BAHCC1: variants seen among roughly 807,000 people sequenced by gnomAD.
BAHCC1 encodes the protein BAH domain and coiled-coil containing 1, also known as BAH and coiled-coil domain-containing protein 1.
Under a neutral mutation model 88.2 loss-of-function variants are expected in BAHCC1, and 43 were observed. That is an observed-to-expected ratio of 0.49 (90% CI 0.38 to 0.63). The LOEUF is 0.63. BAHCC1 is among the 20% of genes least tolerant of loss of function. BAHCC1 has a pLI of 0.00. For synonymous variants in BAHCC1, 1,510 were observed against 745.5 expected, an observed-to-expected ratio of 2.03 and a Z score of -16.71; for missense variants, 3,023 against 1,654.8, an observed-to-expected ratio of 1.83 and a Z score of -14.34.
At chr17:81,432,246 G>A (rs2064268848) in intron 3 of BAHCC1, among the ~76,000 whole-genome samples, 1 of 152,112 alleles carries the variant, frequency 6.6e-6, no homozygotes, top group Admixed American at 6.5e-5. Flanking sequence ...TCTGACCGAT[G>A]GTGCAGCCGC....
At chr17:81,395,718 T>C (rs1466080206) in intron 1 of BAHCC1, 83 bp downstream of exon 1, 1 of 152,118 alleles carries the variant, frequency 6.6e-6, no homozygotes, top group Admixed American at 6.5e-5. Flanking sequence ...CTTTGGGGTT[T>C]TACATTTTTT....
intron 2 of BAHCC1, among the ~76,000 whole-genome samples, chr17:81,425,251 GTGA>G (rs1555650212): frequency 0.023 from 922 of 40,430 alleles, no homozygotes; most frequent in Middle Eastern, 0.06. Flanking sequence ...GGTGATAGTG[GTGA>G]TGATGTGGTT....
At chr17:81,419,896 C>T (rs1251885519) in intron 2 of BAHCC1, among the ~76,000 whole-genome samples, 2 of 151,880 alleles carry the variant, frequency 1.3e-5, no homozygotes, top group Non-Finnish European at 2.9e-5. Flanking sequence ...CTGCCGGCTC[C>T]GCGCCCGCCT....
chr17:81,418,142 AGGTGTGGAG>A (rs1246118788), intron 2 of BAHCC1, among the ~76,000 whole-genome samples: 2 of 152,218 alleles, frequency 1.3e-5, no homozygotes, highest in African/African-American at 4.8e-5. Context: ...CGTGTCCACC[AGGTGTGGAG>A]GGAGCAGTGC....
In BAHCC1 at chr17:81,423,460, C is replaced by T. The variant is rs1317884928; in HGVS notation, c.179-3340C>T. 9.2e-5 allele frequency among the ~76,000 whole-genome samples: 14 copies of T among 152,342 alleles called. 1 individual carries two copies. The highest frequency in any genetic ancestry group is 6.8e-3 in the Middle Eastern group (2 of 294). On this transcript the variant is annotated intron_variant, in intron 2 of 27. Transcript: ENST00000675386. Reference sequence around the variant, plus strand: ...AAATTCACAAATTCCCCCTGCCTCCCGGGCAGGGGAATGGCTGTCCTGACT... The same window carrying T: ...AAATTCACAAATTCCCCCTGCCTCCTGGGCAGGGGAATGGCTGTCCTGACT...
rs376233743 is a variant in BAHCC1 at position 81,458,316 on chromosome 17, C to G, written c.5193C>G (p.Ser1731Arg). 9.5e-5 allele frequency: 71 copies of G among 748,572 alleles called. No individual in the cohort carries two copies. The highest frequency in any genetic ancestry group is 1.5e-4 in the Non-Finnish European group (61 of 403,674). 46.4% of individuals were successfully genotyped at this position (748,572 alleles called of 1,614,324 possible). ...KKKAKGKAKG[S>R]LRAEPGATPS... ...AAGCCAAGGGCAAGGCCAAGGGCAGCCTGCGGGCAGAGCCGGGGGCCACCC... is the reference window on the plus strand; with the variant it reads ...AAGCCAAGGGCAAGGCCAAGGGCAGGCTGCGGGCAGAGCCGGGGGCCACCC... Residue 1731 changes from serine (S) to arginine (R), a missense_variant, in exon 18 of 28, where the codon AGC (serine) becomes AGG (arginine). Transcript: ENST00000675386.
In BAHCC1 at chr17:81,399,689, C is replaced by G; in HGVS notation, c.-51C>G. The G allele has an allele frequency of 1.0e-6, 1 of 995,974 alleles. No homozygotes were observed. The highest frequency in any genetic ancestry group is 1.2e-6 in the Non-Finnish European group (1 of 838,948). 61.7% of individuals were successfully genotyped at this position (995,974 alleles called of 1,614,324 possible). On this transcript the variant is annotated 5_prime_UTR_variant, in exon 2 of 28. Transcript: ENST00000675386. This position sits in a 1 kb window ranked among gnomAD's most constrained non-coding sequence, Gnocchi z 4.5. Reference sequence around the variant, plus strand: ...CCGCGCGCCGAGCCGCCCCCGGGCCCCGGCCGCGCTGCTCCGAGGAAGCGG... The same window carrying G: ...CCGCGCGCCGAGCCGCCCCCGGGCCGCGGCCGCGCTGCTCCGAGGAAGCGG...
At chr17:81,407,162 A>G (rs2143229893) in intron 2 of BAHCC1, among the ~76,000 whole-genome samples, 1 of 152,316 alleles carries the variant, frequency 6.6e-6, no homozygotes, top group South Asian at 2.1e-4. Context: ...CCCTTGCCCC[A>G]GCTCAGTGCA....
rs2030702388 is a variant in BAHCC1 at position 81,466,209 on chromosome 17, A to G, written c.*2392A>G. The G allele has an allele frequency of 1.3e-5, 2 of 152,522 alleles. No homozygotes were observed. Among genetic ancestry groups the G allele is most frequent in the African/African-American group, 4.8e-5 (2 of 41,436 alleles). 9.4% of individuals were successfully genotyped at this position (152,522 alleles called of 1,614,324 possible). On this transcript the variant is annotated 3_prime_UTR_variant, in exon 28 of 28. Transcript: ENST00000675386. ...TTTTTTTTCAATGTAAACACTAAAA[A>G]CAAAATGGACAAAAAAACACACAAA...
chr17:81,432,605 TCCGTCCCCAG>T (rs2064276349), intron 3 of BAHCC1, among the ~76,000 whole-genome samples: 3 of 99,740 alleles, frequency 3.0e-5, no homozygotes, highest in Non-Finnish European at 6.0e-5. Flanking sequence ...GGACCCAACC[TCCGTCCCCAG>T]CCCTGGACCC....
At chr17:81,397,411 A>AC (rs2063757213) in intron 1 of BAHCC1, among the ~76,000 whole-genome samples, 1 of 134,014 alleles carries the variant, frequency 7.5e-6, no homozygotes. Context: ...AAAAAAAAAA[A>AC]ACAACCACAA....
intron 2 of BAHCC1, chr17:81,401,228 A>G (rs530198761): frequency 6.6e-6 from 1 of 152,656 alleles, no homozygotes; most frequent in Non-Finnish European, 1.5e-5. Flanking sequence ...TTAATTGCTA[A>G]CGGGCTTCCA....
intron 5 of BAHCC1, 111 bp from the exon 6 acceptor site, chr17:81,443,698 C>T: frequency 3.1e-6 from 2 of 651,658 alleles, no homozygotes; most frequent in Middle Eastern, 2.8e-4. Context: ...ACCAGGGGAT[C>T]CTCCTCAGTG....
Position 81,421,589 on chromosome 17 carries a change from T to G in BAHCC1, c.179-5211T>G, listed in dbSNP as rs568591085. 3.9e-5 allele frequency among the ~76,000 whole-genome samples: 6 copies of G among 152,250 alleles called. No homozygotes were observed. The South Asian group carries it at 1.0e-3, about 26-fold the overall frequency. Reference sequence around the variant, plus strand: ...GGCCTGCAGAATCTGCTTCCAAGTTTCAAGCCAAGGCCAGGACAGTGGGGG... The same window carrying G: ...GGCCTGCAGAATCTGCTTCCAAGTTGCAAGCCAAGGCCAGGACAGTGGGGG... On this transcript the variant is annotated intron_variant, in intron 2 of 27. Coordinates refer to ENST00000675386, the MANE Select transcript of BAHCC1 (RefSeq NM_001377448.1).
Position 81,443,122 on chromosome 17 carries a change from C to T in BAHCC1, c.1773C>T (p.Gly591=), listed in dbSNP as rs374395535. The T allele has an allele frequency of 1.4e-4, 111 of 777,934 alleles. No individual in the cohort carries two copies. The East Asian group carries it at 1.9e-3, about 13-fold the overall frequency. The allele number at this position is 777,934 out of a possible 1,614,324, so 48.2% of individuals were successfully genotyped here. The change falls in exon 5 of 28, where the codon GGC becomes GGT. Residue 591 remains glycine, a synonymous_variant. Transcript: ENST00000675386. ...CATGGGGTGTCCAGGCAGGCCAGGG[C>T]ACCGCCATGGCCATCAGCGAGGAGC... The part of the protein sequence containing the change: ...LPPWGVQAGQ[G]TAMAISEERK...
chr17:81,427,353 G>A (rs1279148953), intron 3 of BAHCC1, among the ~76,000 whole-genome samples: 2 of 152,134 alleles, frequency 1.3e-5, no homozygotes, highest in Non-Finnish European at 2.9e-5. Context: ...TAGGAGGCGG[G>A]CTCCAAATGT....
In BAHCC1 at chr17:81,447,607, C is replaced by T. The variant is rs782650163; in HGVS notation, c.3735C>T (p.Gly1245=). The change falls in exon 11 of 28, where the codon GGC becomes GGT. Residue 1245 remains glycine (G), a synonymous_variant. Transcript: ENST00000675386. The part of the protein sequence containing the change: ...QSMEDSEEDC[G]GAPDNSHPPR... ...TGGAGGACTCAGAGGAGGACTGTGG[C>T]GGAGCTCCCGACAACAGCCACCCAC... 8.0e-6 allele frequency: 6 copies of T among 747,622 alleles called. No individual in the cohort carries two copies. The highest frequency in any genetic ancestry group is 2.5e-5 in the East Asian group (1 of 39,362). The allele number at this position is 747,622 out of a possible 1,614,324, so 46.3% of individuals were successfully genotyped here. A position where few individuals can be genotyped will look rare whatever the true frequency, so the allele number is the denominator to read the frequency against.
chr17:81,462,947 A>G lies in BAHCC1; in HGVS notation c.7591A>G (p.Lys2531Glu). 1.3e-6 allele frequency: 1 copy of G among 781,634 alleles called. No homozygotes were observed. The highest frequency in any genetic ancestry group is 2.4e-6 in the Non-Finnish European group (1 of 419,234). 48.4% of individuals were successfully genotyped at this position (781,634 alleles called of 1,614,324 possible). A position where few individuals can be genotyped will look rare whatever the true frequency, so the allele number is the denominator to read the frequency against. The change falls in exon 27 of 28, where the codon AAG (lysine) becomes GAG (glutamate). Residue 2531 changes from lysine to glutamate, a missense_variant. Lys to Glu is a moderately conservative substitution (Grantham distance 56). Transcript: ENST00000675386. ...GTGGTTCTACCACCCTGAGGAGACCAAGCTGGGCAAGAGGCAGTGCGACGG... is the reference window on the plus strand; with the variant it reads ...GTGGTTCTACCACCCTGAGGAGACCGAGCTGGGCAAGAGGCAGTGCGACGG... The part of the protein sequence containing the change: ...VKWFYHPEET[K>E]LGKRQCDGKN...
intron 27 of BAHCC1, 76 bp from the exon 28 acceptor site, chr17:81,463,535 C>G: frequency 4.0e-6 from 3 of 757,168 alleles, no homozygotes; most frequent in Non-Finnish European, 4.9e-6. Context: ...CATGGGTGGG[C>G]GGGTGGTCTT....
Sources: gnomAD v4.1 joint callset for allele counts (sites outside exome capture counted in the v4.1 genomes callset) on GRCh38, gnomAD v4.1.1 for gene constraint, Gnocchi (gnomAD v3.1) non-coding constraint, MANE v1.5 for transcripts, NCBI Gene and HGNC (gene_info 2026-07-23, HGNC 2026-07-21) for gene names.